Variants in IGF1R observed in about 807,000 individuals in gnomAD.
The protein encoded by IGF1R is insulin-like growth factor 1 receptor.
IGF1R carries 44 observed loss-of-function variants against 144.6 expected under a neutral mutation model. That is an observed-to-expected ratio of 0.30 (90% CI 0.24 to 0.39). The LOEUF (loss-of-function observed/expected upper bound fraction) is 0.39. Ranked by LOEUF, IGF1R falls within the 10% of genes least tolerant of loss-of-function variation. The pLI is 1.00. For synonymous variants in IGF1R, 795 were observed against 722.8 expected (o/e 1.10, Z -1.60); for missense variants, 1,355 against 1,833.7 (o/e 0.74, Z 4.77).
In IGF1R at chr15:98,790,729, C is replaced by T. The variant is rs573681860; in HGVS notation, c.640+82622C>T. Among the ~76,000 whole-genome samples the T allele has an allele frequency of 3.9e-5, 6 of 152,318 alleles. No individual in the cohort carries two copies. The South Asian group carries it at 1.2e-3, about 32-fold the overall frequency. On this transcript the variant is annotated intron_variant, in intron 2 of 20. Transcript: ENST00000650285. ...GAAAACAAAATTAACGGCATTAGAA[C>T]TGAGTATGTATTAAAACTTCTACTG...
At chr15:98,931,610 G>A (rs2015944196) in intron 15 of IGF1R, among the ~76,000 whole-genome samples, 1 of 151,918 alleles carries the variant, frequency 6.6e-6, no homozygotes, top group South Asian at 2.1e-4. Context: ...CTTCTGTAGT[G>A]TGTGTATATA....
chr15:98,876,016 G>C (rs2013042989), intron 2 of IGF1R, among the ~76,000 whole-genome samples: 1 of 152,108 alleles, frequency 6.6e-6, no homozygotes, highest in Admixed American at 6.5e-5. Flanking sequence ...AGTGATGTTG[G>C]GTGGGCCAGC....
chr15:98,798,699 G>T (rs952584266), intron 2 of IGF1R, among the ~76,000 whole-genome samples: 3 of 151,958 alleles, frequency 2.0e-5, no homozygotes, highest in Non-Finnish European at 4.4e-5. Flanking sequence ...AGGTTGGGTG[G>T]CTGGAGCCTG....
intron 2 of IGF1R, chr15:98,734,855 G>A (rs1372387722): frequency 6.6e-6 from 1 of 152,112 alleles, no homozygotes; most frequent in African/African-American, 2.4e-5. Context: ...TGTCAATTGG[G>A]TATTTCCCTT....
chr15:98,838,907 A>G (rs1240736284), intron 2 of IGF1R, among the ~76,000 whole-genome samples: 1 of 152,156 alleles, frequency 6.6e-6, no homozygotes, highest in African/African-American at 2.4e-5. Context: ...AGACGTGGGG[A>G]TCCTGCTTTT....
At chr15:98,925,605 G>A (rs760002011) in intron 13 of IGF1R, among the ~76,000 whole-genome samples, 22 of 152,264 alleles carry the variant, frequency 1.4e-4, no homozygotes, top group African/African-American at 4.1e-4. Context: ...CTGGAGTTAC[G>A]TTAAAACATG....
At chr15:98,656,013 T>C (rs576930947) in intron 1 of IGF1R, among the ~76,000 whole-genome samples, 103 of 152,346 alleles carry the variant, frequency 6.8e-4, no homozygotes, top group Non-Finnish European at 4.4e-5. Context: ...TGTAAACTCA[T>C]AGATTGCTCT....
At chr15:98,955,880 TGGAAAAGCATCTC>T (rs1567222110) in intron 20 of IGF1R, among the ~76,000 whole-genome samples, 15 of 152,350 alleles carry the variant, frequency 9.8e-5, no homozygotes, top group Middle Eastern at 3.4e-3. Flanking sequence ...GCCACTTTTA[TGGAAAAGCATCTC>T]TTTAGCCAGA....
At chr15:98,953,284 T>A (rs1193410098) in intron 20 of IGF1R, among the ~76,000 whole-genome samples, 1 of 152,162 alleles carries the variant, frequency 6.6e-6, no homozygotes, top group Admixed American at 6.5e-5. Context: ...AAGGACTCCG[T>A]GGTCCCCAAG....
At chr15:98,793,706 T>A (rs1184977090) in intron 2 of IGF1R, among the ~76,000 whole-genome samples, 2 of 152,220 alleles carry the variant, frequency 1.3e-5, no homozygotes, top group African/African-American at 2.4e-5. Flanking sequence ...GAAAGAAATA[T>A]CTTTTGCCTC....
At chr15:98,738,986 G>T (rs111506868) in intron 2 of IGF1R, among the ~76,000 whole-genome samples, 1 of 151,922 alleles carries the variant, frequency 6.6e-6, no homozygotes, top group African/African-American at 2.4e-5. Flanking sequence ...GAAACAACAG[G>T]AAGAACAAAA....
chr15:98,719,265 G>T lies in IGF1R; in HGVS notation c.640+11158G>T, dbSNP rs761806811. Among the ~76,000 whole-genome samples, 4 of 152,150 alleles carry T rather than the reference G, an allele frequency of 2.6e-5. No homozygotes were observed. In the South Asian group the frequency reaches 6.2e-4, roughly 24 times the overall value. ...CAGCTGAATGCAGAAGTGTGTGTCTGGTTCTAACTCTTTATCACTTCAGGG... is the reference window on the plus strand; with the variant it reads ...CAGCTGAATGCAGAAGTGTGTGTCTTGTTCTAACTCTTTATCACTTCAGGG... On this transcript the variant is annotated intron_variant, in intron 2 of 20. Transcript: ENST00000650285.
At chr15:98,734,833 T>A (rs2054575312) in intron 2 of IGF1R, 4 of 152,180 alleles carry the variant, frequency 2.6e-5, no homozygotes, top group Admixed American at 2.6e-4. Context: ...TTTTTAAAAG[T>A]TTTTATGTTG....
Position 98,835,124 on chromosome 15 carries a change from CACACCCACCCCT to C in IGF1R, c.641-56192_641-56181del, listed in dbSNP as rs1211656278. Among the ~76,000 whole-genome samples, 13 of 150,306 alleles carry C rather than the reference CACACCCACCCCT, an allele frequency of 8.6e-5. No homozygotes were observed. In the East Asian group the frequency reaches 2.6e-3, roughly 29 times the overall value. ...ACACACACACACCCCTACACCCACACACACCCACCCCTACACCCACACACACCCACCCCTACA... is the reference window on the plus strand; with the variant it reads ...ACACACACACACCCCTACACCCACACACACCCACACACACCCACCCCTACA... On this transcript the variant is annotated intron_variant, in intron 2 of 20. Coordinates refer to ENST00000650285, the MANE Select transcript of IGF1R (RefSeq NM_000875.5).
At chr15:98,826,439 A>G (rs2056896186) in intron 2 of IGF1R, among the ~76,000 whole-genome samples, 1 of 152,238 alleles carries the variant, frequency 6.6e-6, no homozygotes, top group African/African-American at 2.4e-5. Context: ...GCAAAATGAT[A>G]TTTAAGTGAA....
chr15:98,672,257 CTT>C (rs933075244), intron 1 of IGF1R, among the ~76,000 whole-genome samples: 1 of 152,192 alleles, frequency 6.6e-6, no homozygotes, highest in African/African-American at 2.4e-5. Flanking sequence ...TCCCACAACT[CTT>C]TTCATGAAAT....
chr15:98,694,239 A>T (rs1032583890), intron 1 of IGF1R, among the ~76,000 whole-genome samples: 5 of 152,196 alleles, frequency 3.3e-5, no homozygotes, highest in African/African-American at 1.2e-4. Context: ...GGTGCAGGGA[A>T]ACAAAATGGG....
chr15:98,695,821 C>T (rs377704900), intron 1 of IGF1R, among the ~76,000 whole-genome samples: 1 of 152,122 alleles, frequency 6.6e-6, no homozygotes, highest in African/African-American at 2.4e-5. Flanking sequence ...CTGACCAGTC[C>T]CCCTCCCTGG....
intron 2 of IGF1R, among the ~76,000 whole-genome samples, chr15:98,842,109 T>C (rs749705657): frequency 3.9e-5 from 6 of 152,226 alleles, no homozygotes; most frequent in Non-Finnish European, 8.8e-5. Flanking sequence ...ATGGCCTCCT[T>C]AGAAAGTTCC....
Sources: allele counts gnomAD v4.1 joint callset (sites outside exome capture counted in the v4.1 genomes callset), GRCh38; gene constraint gnomAD v4.1.1; transcripts MANE v1.5; gene names NCBI Gene and HGNC (gene_info 2026-07-23, HGNC 2026-07-21).